Variants in CDH6 observed in about 807,000 individuals in gnomAD.
The protein encoded by CDH6 is cadherin 6, also known as cadherin-6.
CDH6 carries 31 observed loss-of-function variants against 78.0 expected under a neutral mutation model. The ratio of observed to expected loss-of-function variants is 0.40; its 90% CI spans 0.30 to 0.54. The LOEUF is 0.54. CDH6 is among the 20% of genes least tolerant of loss of function. The pLI, the probability that CDH6 is intolerant of heterozygous loss-of-function variation, is 0.56. For missense variants in CDH6, 724 were observed against 975.9 expected, an observed-to-expected ratio of 0.74 and a Z score of 3.44; for synonymous variants, 376 against 368.8, an observed-to-expected ratio of 1.02 and a Z score of -0.23.
In CDH6 at chr5:31,322,981, C is replaced by T; in HGVS notation, c.2046C>T (p.Ala682=). 6.2e-7 allele frequency: 1 copy of T among 1,614,176 alleles called. No individual in the cohort carries two copies. The highest frequency in any genetic ancestry group is 8.5e-7 in the Non-Finnish European group (1 of 1,180,024). The change falls in exon 12 of 12, where the codon GCC becomes GCT. Residue 682 remains alanine (A), a synonymous_variant. Transcript: ENST00000265071. ...TCGGCACCCTGAGGAATCCTGAAGCCATAGAGGACAACAAATTACGAAGGG... is the reference window on the plus strand; with the variant it reads ...TCGGCACCCTGAGGAATCCTGAAGCTATAGAGGACAACAAATTACGAAGGG... ...FDIGTLRNPE[A]IEDNKLRRDI...
intron 2 of CDH6, among the ~76,000 whole-genome samples, chr5:31,279,940 CCA>C (rs1042223635): frequency 6.6e-6 from 1 of 152,172 alleles, no homozygotes; most frequent in African/African-American, 2.4e-5. Context: ...GATTACCAAT[CCA>C]CTTGCCTCTT....
rs79153997 is a variant in CDH6, at chr5:31,325,981, C to T, written c.*2673C>T. 6.0e-3 allele frequency: 1,396 copies of T among 232,324 alleles called. 27 individuals are homozygous for T. The highest frequency in any genetic ancestry group is 0.048 in the East Asian group (795 of 16,406). 14.4% of individuals were successfully genotyped at this position (232,324 alleles called of 1,614,324 possible). A position where few individuals can be genotyped will look rare whatever the true frequency, so the allele number is the denominator to read the frequency against. On this transcript the variant is annotated 3_prime_UTR_variant, in exon 12 of 12. Coordinates refer to ENST00000265071, the MANE Select transcript of CDH6 (RefSeq NM_004932.4). The stretch of plus-strand genomic sequence containing the variant: ...CAGCTTCGTCTCACTTCCTTCCCAC[C>T]CCACCTGAGTATCAGGTCAAACATC...
chr5:31,212,657 A>C (rs1379676089), intron 1 of CDH6, among the ~76,000 whole-genome samples: 1 of 152,096 alleles, frequency 6.6e-6, no homozygotes, highest in Non-Finnish European at 1.5e-5. Context: ...TGAGGGTATT[A>C]CTCTAACCTG....
chr5:31,194,457 TTAAAC>T (rs906263365), intron 1 of CDH6, among the ~76,000 whole-genome samples: 8 of 152,272 alleles, frequency 5.3e-5, no homozygotes, highest in Admixed American at 1.3e-4. Context: ...TAAGGAAAAC[TTAAAC>T]TAAAGAGACG....
chr5:31,322,868 T>C lies in CDH6; in HGVS notation c.1933T>C (p.Leu645=), dbSNP rs770261779. Residue 645 remains leucine (L), a synonymous_variant, in exon 12 of 12, where the codon TTG becomes CTG. Transcript: ENST00000265071. ...ALRRQRKKEP[L]IISKEDIRDN... is the part of the protein sequence containing the mutation. ...GAGGCGGCAGCGAAAAAAAGAGCCT[T>C]TGATCATTTCCAAAGAGGACATCAG... The C allele has an allele frequency of 6.2e-7, 1 of 1,614,134 alleles. No homozygotes were observed. Among genetic ancestry groups the C allele is most frequent in the Admixed American group, 1.7e-5 (1 of 60,022 alleles).
chr5:31,305,256 T>C lies in CDH6; in HGVS notation c.1082T>C (p.Leu361Ser). The C allele has an allele frequency of 6.2e-7, 1 of 1,614,136 alleles. No homozygotes were observed. The highest frequency in any genetic ancestry group is 8.5e-7 in the Non-Finnish European group (1 of 1,180,000). Residue 361 changes from leucine (L) to serine (S), a missense_variant, in exon 7 of 12, where the codon TTG becomes TCG. Coordinates refer to ENST00000265071, the MANE Select transcript of CDH6 (RefSeq NM_004932.4). Reference sequence around the variant, plus strand: ...TATGTTGAGCCACGATTTCTCTACTTGGGGCCTTTCAAAGATTCAGCCACG... The same window carrying C: ...TATGTTGAGCCACGATTTCTCTACTCGGGGCCTTTCAAAGATTCAGCCACG... ...NPYVEPRFLY[L>S]GPFKDSATVR...
intron 10 of CDH6, 86 bp from the exon 11 acceptor site, chr5:31,317,587 A>G: frequency 6.5e-7 from 1 of 1,537,182 alleles, no homozygotes; most frequent in Non-Finnish European, 8.9e-7. Context: ...ACATATCTGT[A>G]TCTATATCTA....
chr5:31,294,430 T>C lies in CDH6; in HGVS notation c.523+174T>C, dbSNP rs576698479. On this transcript the variant is annotated intron_variant, in intron 3 of 11. Coordinates refer to ENST00000265071, the MANE Select transcript of CDH6 (RefSeq NM_004932.4). The surrounding 1 kb of genome is among the most constrained non-coding windows in gnomAD (Gnocchi z 4.1). ...TTCCTAATATTACTCTAGTCTCATTTTGTGATTATTTTAAAAACCACATTT... is the reference window on the plus strand; with the variant it reads ...TTCCTAATATTACTCTAGTCTCATTCTGTGATTATTTTAAAAACCACATTT... 6.6e-6 allele frequency among the ~76,000 whole-genome samples: 1 copy of C among 152,344 alleles called. No homozygotes were observed. Among genetic ancestry groups the C allele is most frequent in the South Asian group, 2.1e-4 (1 of 4,830 alleles).
At chr5:31,243,403 G>A (rs1246616079) in intron 1 of CDH6, among the ~76,000 whole-genome samples, 2 of 152,174 alleles carry the variant, frequency 1.3e-5, no homozygotes, top group East Asian at 3.9e-4. Flanking sequence ...AAGCACAGGG[G>A]GTGGTTGGGG....
chr5:31,198,295 G>A (rs1394417241), intron 1 of CDH6, among the ~76,000 whole-genome samples: 1 of 152,264 alleles, frequency 6.6e-6, no homozygotes, highest in South Asian at 2.1e-4. Flanking sequence ...ACCATTGGGT[G>A]CTGGTTTCTT....
intron 1 of CDH6, among the ~76,000 whole-genome samples, chr5:31,265,876 G>A (rs1018244194): frequency 7.1e-6 from 1 of 141,468 alleles, no homozygotes; most frequent in African/African-American, 2.6e-5. Flanking sequence ...CTGGGTTCAC[G>A]CCATTCTCCT....
intron 2 of CDH6, among the ~76,000 whole-genome samples, chr5:31,268,791 C>A (rs1446983255): frequency 6.6e-6 from 1 of 152,128 alleles, no homozygotes; most frequent in Non-Finnish European, 1.5e-5. Context: ...CCCTGAATAA[C>A]CATATGTAAA....
intron 2 of CDH6, among the ~76,000 whole-genome samples, chr5:31,283,827 T>A (rs1742935757): frequency 6.6e-6 from 1 of 152,104 alleles, no homozygotes; most frequent in Non-Finnish European, 1.5e-5. Context: ...TTTTTTTATT[T>A]TTTTTAAGAT....
Position 31,302,163 on chromosome 5 carries a change from C to G in CDH6, c.864C>G (p.Gly288=). 1 of 1,613,864 alleles carries G rather than the reference C, an allele frequency of 6.2e-7. No individual in the cohort carries two copies. Among genetic ancestry groups the G allele is most frequent in the Non-Finnish European group, 8.5e-7 (1 of 1,179,834 alleles). Reference sequence around the variant, plus strand: ...CTTCTCCACCGGGGACACCAATTGGCAGAATCAAAGCCAGCGACGCTGATG... The same window carrying G: ...CTTCTCCACCGGGGACACCAATTGGGAGAATCAAAGCCAGCGACGCTGATG... ...PESSPPGTPI[G]RIKASDADVG... The change falls in exon 6 of 12, where the codon GGC becomes GGG. Residue 288 remains glycine (G), a synonymous_variant. Transcript: ENST00000265071.
chr5:31,302,099 G>A lies in CDH6; in HGVS notation c.812-12G>A. On this transcript the variant is annotated splice_polypyrimidine_tract_variant and intron_variant, in intron 5 of 11. Coordinates refer to ENST00000265071, the MANE Select transcript of CDH6 (RefSeq NM_004932.4). ...GTCTATGTTTGACTTATATCTGTCT[G>A]GTGATTAATAGGTACATACCAGTTT... 1 of 1,582,440 alleles carries A rather than the reference G, an allele frequency of 6.3e-7. No homozygotes were observed. The highest frequency in any genetic ancestry group is 8.7e-7 in the Non-Finnish European group (1 of 1,155,800).
chr5:31,261,024 C>A (rs892387155), intron 1 of CDH6, among the ~76,000 whole-genome samples: 1 of 152,126 alleles, frequency 6.6e-6, no homozygotes, highest in Non-Finnish European at 1.5e-5. Context: ...CTTGGGTTAT[C>A]GGGAAATTGA....
At chr5:31,198,042 T>C (rs1056921243) in intron 1 of CDH6, among the ~76,000 whole-genome samples, 2 of 152,130 alleles carry the variant, frequency 1.3e-5, no homozygotes, top group Non-Finnish European at 1.5e-5. Context: ...GGGGAGAGTA[T>C]AAACAACCCT....
At chr5:31,269,290 G>GA (rs1300168482) in intron 2 of CDH6, among the ~76,000 whole-genome samples, 47 of 151,530 alleles carry the variant, frequency 3.1e-4, no homozygotes, top group African/African-American at 8.2e-4. Flanking sequence ...AAGCGGGGGG[G>GA]GCAGGTTATT....
chr5:31,225,778 C>T (rs1741136328), intron 1 of CDH6, among the ~76,000 whole-genome samples: 2 of 152,154 alleles, frequency 1.3e-5, no homozygotes, highest in Non-Finnish European at 2.9e-5. Context: ...AGAGCCAAAC[C>T]ATATCACTGT....
Sources: gnomAD v4.1 joint callset for allele counts (sites outside exome capture counted in the v4.1 genomes callset) on GRCh38, gnomAD v4.1.1 for gene constraint, Gnocchi (gnomAD v3.1) non-coding constraint, MANE v1.5 for transcripts, NCBI Gene and HGNC (gene_info 2026-07-23, HGNC 2026-07-21) for gene names.